The following RBFOX1 variants were observed in gnomAD, a reference collection of about 807,000 sequenced individuals.
RBFOX1 encodes RNA binding protein fox-1 homolog 1.
RBFOX1 carries 8 observed loss-of-function variants against 57.7 expected under a neutral mutation model. The observed-to-expected ratio is 0.14, with a 90% CI of 0.08 to 0.25. RBFOX1 has a LOEUF of 0.25. Ranked by LOEUF, RBFOX1 falls within the 10% of genes least tolerant of loss-of-function variation. RBFOX1 has a pLI of 1.00. For missense variants in RBFOX1, 611 were observed against 548.5 expected (o/e 1.11, Z -1.14); for synonymous variants, 326 against 222.4 (o/e 1.47, Z -4.15).
intron 3 of RBFOX1, among the ~76,000 whole-genome samples, chr16:5,695,225 A>G (rs923843713): frequency 6.6e-6 from 1 of 152,136 alleles, no homozygotes; most frequent in Non-Finnish European, 1.5e-5. Flanking sequence ...TTACTCTAAT[A>G]TTGAAATTTT....
At chr16:5,873,208 C>T (rs749772395) in intron 4 of RBFOX1, among the ~76,000 whole-genome samples, 1 of 152,096 alleles carries the variant, frequency 6.6e-6, no homozygotes, top group Non-Finnish European at 1.5e-5. Flanking sequence ...ATTAAATAAC[C>T]TAATTAGGAA....
intron 2 of RBFOX1, among the ~76,000 whole-genome samples, chr16:6,539,970 C>G (rs529053999): frequency 2.6e-5 from 4 of 152,246 alleles, no homozygotes; most frequent in Non-Finnish European, 5.9e-5. Context: ...GAAAAAATTA[C>G]CAATGTCTTA....
At chr16:6,703,700 C>A (rs1350379018) in intron 3 of RBFOX1, among the ~76,000 whole-genome samples, 3 of 151,818 alleles carry the variant, frequency 2.0e-5, no homozygotes, top group Non-Finnish European at 4.4e-5. Context: ...CAGTTAGACC[C>A]AGTTTCAAAA....
At chr16:5,265,172 G>A (rs892780493) in intron 1 of RBFOX1, among the ~76,000 whole-genome samples, 2 of 152,200 alleles carry the variant, frequency 1.3e-5, no homozygotes, top group Non-Finnish European at 2.9e-5. Flanking sequence ...AGTGTGGGAT[G>A]TCTGTAAAGA....
chr16:7,584,315 T>C (rs1429190768), intron 6 of RBFOX1, among the ~76,000 whole-genome samples: 1 of 152,158 alleles, frequency 6.6e-6, no homozygotes, highest in Non-Finnish European at 1.5e-5. Flanking sequence ...TTTTTTAAGA[T>C]AGAGTCTCGC....
At chr16:6,142,115 G>C (rs114294540) in intron 1 of RBFOX1, among the ~76,000 whole-genome samples, 2,026 of 126,288 alleles carry the variant, frequency 0.016, 57 homozygotes, top group African/African-American at 0.059. Flanking sequence ...CTTACTTCTC[G>C]ATCCCTGATT....
chr16:7,097,474 G>A (rs772633666), intron 4 of RBFOX1, among the ~76,000 whole-genome samples: 1 of 152,176 alleles, frequency 6.6e-6, no homozygotes, highest in Admixed American at 6.5e-5. Flanking sequence ...GAGGAGGACA[G>A]TAAGAGAGTG....
At chr16:5,647,204 A>C (rs796756520) in intron 3 of RBFOX1, among the ~76,000 whole-genome samples, 2 of 152,148 alleles carry the variant, frequency 1.3e-5, no homozygotes, top group African/African-American at 4.8e-5. Context: ...CTGAATATGA[A>C]CCCCAGGTTT....
intron 1 of RBFOX1, among the ~76,000 whole-genome samples, chr16:6,159,534 A>C (rs2096862600): frequency 6.6e-6 from 1 of 152,182 alleles, no homozygotes; most frequent in African/African-American, 2.4e-5. Flanking sequence ...TCCAGTGCAC[A>C]CAGCACAGGG....
chr16:5,587,146 C>G (rs2046860415), intron 2 of RBFOX1, among the ~76,000 whole-genome samples: 1 of 152,080 alleles, frequency 6.6e-6, no homozygotes, highest in Non-Finnish European at 1.5e-5. Context: ...AGACACTGTT[C>G]AAAAGTGAGC....
At chr16:7,500,150 T>C (rs1432752735) in intron 4 of RBFOX1, among the ~76,000 whole-genome samples, 5 of 152,280 alleles carry the variant, frequency 3.3e-5, no homozygotes, top group Non-Finnish European at 7.3e-5. Flanking sequence ...TATGCACTGC[T>C]TAATCATGTG....
At chr16:6,568,189 TAG>T (rs2097294264) in intron 2 of RBFOX1, among the ~76,000 whole-genome samples, 1 of 152,204 alleles carries the variant, frequency 6.6e-6, no homozygotes, top group Non-Finnish European at 1.5e-5. Context: ...TTTCATCTCA[TAG>T]AGTTTCTGAG....
intron 3 of RBFOX1, among the ~76,000 whole-genome samples, chr16:5,764,689 C>G (rs184103748): frequency 1.2e-4 from 19 of 152,274 alleles, no homozygotes; most frequent in East Asian, 1.9e-4. Context: ...TTCCCTCACA[C>G]CTGTACACTT....
At chr16:7,399,160 A>G (rs1392211000) in intron 4 of RBFOX1, among the ~76,000 whole-genome samples, 1 of 152,224 alleles carries the variant, frequency 6.6e-6, no homozygotes, top group East Asian at 1.9e-4. Context: ...TTAAAAAGCA[A>G]TGTCGGGCCA....
intron 10 of RBFOX1, among the ~76,000 whole-genome samples, chr16:7,629,982 TC>T (rs2060679568): frequency 6.6e-6 from 1 of 152,204 alleles, no homozygotes; most frequent in Non-Finnish European, 1.5e-5. Context: ...TTTTTCTTTC[TC>T]CGCCTTACTT....
intron 2 of RBFOX1, among the ~76,000 whole-genome samples, chr16:6,629,829 C>T (rs760493546): frequency 5.3e-5 from 8 of 152,062 alleles, no homozygotes; most frequent in East Asian, 1.9e-4. Context: ...TTTAATCAGA[C>T]GTTTTATTTT....
At chr16:7,048,714 G>C (rs1355403036) in intron 3 of RBFOX1, among the ~76,000 whole-genome samples, 1 of 151,926 alleles carries the variant, frequency 6.6e-6, no homozygotes, top group Non-Finnish European at 1.5e-5. Flanking sequence ...CTATGTTGAT[G>C]TTGGTGTCTG....
chr16:5,294,441 G>T (rs756581651), intron 1 of RBFOX1, among the ~76,000 whole-genome samples: 1 of 152,120 alleles, frequency 6.6e-6, no homozygotes, highest in Non-Finnish European at 1.5e-5. Context: ...TTTCTAGCCT[G>T]CCTATGCCTT....
chr16:5,467,376 CCACAGCACA>C lies in RBFOX1; in HGVS notation c.258+123_258+131del, dbSNP rs994276524. ...GCCCAGGGCAGACATCTGTAATCAA[CCACAGCACA>C]GTTCATCCCTTAGCAAGAAGGTCAC... On this transcript the variant is annotated intron_variant, in intron 2 of 2. Coordinates refer to the RBFOX1 transcript ENST00000585867. 1.8e-5 allele frequency: 17 copies of C among 931,420 alleles called. No homozygotes were observed. In the Admixed American group the frequency reaches 2.2e-4, roughly 12 times the overall value. 57.7% of individuals were successfully genotyped at this position (931,420 alleles called of 1,614,324 possible).
Sources: allele counts gnomAD v4.1 joint callset (sites outside exome capture counted in the v4.1 genomes callset), GRCh38; gene constraint gnomAD v4.1.1; transcripts MANE v1.5; gene names NCBI Gene and HGNC (gene_info 2026-07-23, HGNC 2026-07-21).